PKIG: variants seen among roughly 807,000 people sequenced by gnomAD.
PKIG encodes cAMP-dependent protein kinase inhibitor gamma.
Under a neutral mutation model 6.8 loss-of-function variants are expected in PKIG, and 1 was observed. The ratio of observed to expected loss-of-function variants is 0.15; its 90% CI spans 0.05 to 0.69. The LOEUF (loss-of-function observed/expected upper bound fraction) is 0.69, where lower values mean the gene tolerates loss of function less well. PKIG is among the 30% of genes least tolerant of loss of function. The pLI is 0.82. For missense variants in PKIG, 77 were observed against 104.0 expected (o/e 0.74, Z 1.13); for synonymous variants, 39 against 43.0 (o/e 0.91, Z 0.36).
intron 1 of PKIG, among the ~76,000 whole-genome samples, chr20:44,551,584 C>T (rs1194205748): frequency 2.6e-5 from 4 of 152,130 alleles, no homozygotes; most frequent in Non-Finnish European, 5.9e-5. Flanking sequence ...TTGGTCTCTA[C>T]CTACTAAATG....
chr20:44,536,015 A>G (rs1479020187), intron 1 of PKIG, among the ~76,000 whole-genome samples: 1 of 151,796 alleles, frequency 6.6e-6, no homozygotes, highest in Admixed American at 6.6e-5. Flanking sequence ...TTTGTTTTCT[A>G]TGTGTTTGGT....
chr20:44,560,182 G>A (rs919775357), intron 1 of PKIG, among the ~76,000 whole-genome samples: 57 of 152,038 alleles, frequency 3.7e-4, no homozygotes, highest in African/African-American at 1.3e-3. Context: ...CTGGGGAGGC[G>A]GAGGTTGCAG....
chr20:44,616,238 G>C (rs2065263413), intron 3 of PKIG, among the ~76,000 whole-genome samples: 2 of 152,100 alleles, frequency 1.3e-5, no homozygotes, highest in Admixed American at 6.5e-5. Context: ...TCCCAGACCG[G>C]GGAGGCACCT....
chr20:44,603,217 CAG>C (rs903139399), intron 2 of PKIG, among the ~76,000 whole-genome samples: 3 of 152,130 alleles, frequency 2.0e-5, no homozygotes, highest in Admixed American at 6.5e-5. Context: ...CACCGTTAAA[CAG>C]AGTAAAAACA....
chr20:44,533,792 G>A (rs1467891759), intron 1 of PKIG, among the ~76,000 whole-genome samples: 2 of 152,230 alleles, frequency 1.3e-5, no homozygotes, highest in African/African-American at 4.8e-5. Context: ...ACAGGAACAG[G>A]AGAGAAACCA....
chr20:44,545,150 A>G (rs1341718088), intron 1 of PKIG, among the ~76,000 whole-genome samples: 2 of 151,738 alleles, frequency 1.3e-5, no homozygotes, highest in Non-Finnish European at 2.9e-5. Flanking sequence ...TGGCCAGGCC[A>G]GTCTCGAACT....
At chr20:44,592,900 C>G (rs1342918057) in intron 2 of PKIG, among the ~76,000 whole-genome samples, 1 of 152,182 alleles carries the variant, frequency 6.6e-6, no homozygotes, top group Non-Finnish European at 1.5e-5. Flanking sequence ...AGAATTAATT[C>G]CATTCCTATC....
At chr20:44,538,278 A>G (rs1444914018) in intron 1 of PKIG, among the ~76,000 whole-genome samples, 1 of 152,188 alleles carries the variant, frequency 6.6e-6, no homozygotes, top group Non-Finnish European at 1.5e-5. Flanking sequence ...AATCCATGAT[A>G]TCATTTTAGT....
At chr20:44,617,059 G>C (rs2065271653) in intron 3 of PKIG, among the ~76,000 whole-genome samples, 1 of 152,214 alleles carries the variant, frequency 6.6e-6, no homozygotes, top group Admixed American at 6.5e-5. Context: ...AGGCAAATCA[G>C]CTCACCTCGC....
chr20:44,616,942 A>T (rs1037842518), intron 3 of PKIG, among the ~76,000 whole-genome samples: 1 of 152,206 alleles, frequency 6.6e-6, no homozygotes, highest in Non-Finnish European at 1.5e-5. Flanking sequence ...GGCAGTGCTG[A>T]TGTCAGGCCT....
At chr20:44,555,779 G>A (rs1465381019) in intron 1 of PKIG, among the ~76,000 whole-genome samples, 1 of 152,168 alleles carries the variant, frequency 6.6e-6, no homozygotes, top group African/African-American at 2.4e-5. Flanking sequence ...ATACTTGTGT[G>A]ATAAGGTCAT....
intron 1 of PKIG, among the ~76,000 whole-genome samples, chr20:44,564,929 CTAAGA>C (rs1410060522): frequency 1.3e-5 from 2 of 152,128 alleles, no homozygotes; most frequent in Non-Finnish European, 2.9e-5. Context: ...GAGGCTTAGT[CTAAGA>C]TAAGTCCTTT....
At chr20:44,537,568 G>A (rs1337400532) in intron 1 of PKIG, among the ~76,000 whole-genome samples, 1 of 151,110 alleles carries the variant, frequency 6.6e-6, no homozygotes, top group Non-Finnish European at 1.5e-5. Flanking sequence ...ACAGTCTCCT[G>A]TAAATATACT....
chr20:44,595,829 G>C (rs1461498700), intron 2 of PKIG, among the ~76,000 whole-genome samples: 1 of 152,008 alleles, frequency 6.6e-6, no homozygotes, highest in Non-Finnish European at 1.5e-5. Flanking sequence ...TGCTGTAAAA[G>C]TACAACTGTC....
At chr20:44,587,641 G>A (rs1048377021) in intron 1 of PKIG, among the ~76,000 whole-genome samples, 1 of 151,954 alleles carries the variant, frequency 6.6e-6, no homozygotes, top group African/African-American at 2.4e-5. Flanking sequence ...TATGTTCAAG[G>A]GAAGAAAAGC....
intron 1 of PKIG, among the ~76,000 whole-genome samples, chr20:44,560,877 T>C (rs982903202): frequency 3.3e-5 from 5 of 152,136 alleles, no homozygotes; most frequent in African/African-American, 1.2e-4. Context: ...ATGTAATCAC[T>C]AGCACATGGG....
intron 2 of PKIG, among the ~76,000 whole-genome samples, chr20:44,608,606 C>G (rs569956591): frequency 2.0e-5 from 3 of 151,788 alleles, no homozygotes; most frequent in African/African-American, 7.3e-5. Context: ...AGTTTGAGAC[C>G]ACGAGTTTGA....
At chr20:44,566,608 G>A (rs531522971) in intron 1 of PKIG, among the ~76,000 whole-genome samples, 93 of 152,252 alleles carry the variant, frequency 6.1e-4, no homozygotes, top group African/African-American at 2.2e-3. Context: ...CACTTTGGGA[G>A]GCCGAGGCAG....
intron 2 of PKIG, among the ~76,000 whole-genome samples, chr20:44,610,487 C>CT (rs1210574094): frequency 1.2e-4 from 17 of 140,166 alleles, no homozygotes; most frequent in African/African-American, 3.4e-4. Context: ...TCTCTCTCTT[C>CT]TCTCTCTCTC....
Sources: gnomAD v4.1 joint callset for allele counts (sites outside exome capture counted in the v4.1 genomes callset) on GRCh38, gnomAD v4.1.1 for gene constraint, MANE v1.5 for transcripts, NCBI Gene and HGNC (gene_info 2026-07-23, HGNC 2026-07-21) for gene names.